The following KCNK1 variants were observed in gnomAD, a reference collection of about 807,000 sequenced individuals.
KCNK1 encodes the protein potassium channel subfamily K member 1.
Under a neutral mutation model 22.2 loss-of-function variants are expected in KCNK1, and 10 were observed. The observed-to-expected ratio is 0.45, with a 90% CI of 0.28 to 0.76. The LOEUF is 0.76. Ranked by LOEUF, KCNK1 falls within the 30% of genes least tolerant of loss-of-function variation. KCNK1 has a pLI of 0.14. For missense variants in KCNK1, 378 were observed against 421.0 expected (o/e 0.90, Z 0.89); for synonymous variants, 200 against 186.4 (o/e 1.07, Z -0.60).
chr1:233,617,310 C>T (rs764062377), intron 1 of KCNK1, among the ~76,000 whole-genome samples: 13 of 152,140 alleles, frequency 8.5e-5, no homozygotes, highest in Non-Finnish European at 1.9e-4. Context: ...TGGAAGAAGG[C>T]TTAGGTTGGT....
At chr1:233,665,454 G>A (rs1183335775) in intron 1 of KCNK1, among the ~76,000 whole-genome samples, 1 of 152,200 alleles carries the variant, frequency 6.6e-6, no homozygotes, top group South Asian at 2.1e-4. Context: ...CACTTCACAA[G>A]TCAATTGTAT....
At position 233,614,189 on chromosome 1, in the gene KCNK1, C is replaced by T. The variant is rs1387185029; in HGVS notation, c.18C>T (p.Ala6=). Residue 6 remains alanine (A), a synonymous_variant, in exon 1 of 3, where the codon GCC becomes GCT. Coordinates refer to ENST00000366621, the MANE Select transcript of KCNK1 (RefSeq NM_002245.4). ...TGGAGAAGATGCTGCAGTCCCTGGC[C>T]GGCAGCTCGTGCGTGCGCCTGGTGG... The part of the protein sequence containing the change: MLQSL[A]GSSCVRLVER... 1.9e-6 allele frequency: 3 copies of T among 1,605,368 alleles called. No individual in the cohort carries two copies. Among genetic ancestry groups the T allele is most frequent in the Non-Finnish European group, 2.5e-6 (3 of 1,179,094 alleles).
chr1:233,645,346 G>A (rs997697926), intron 1 of KCNK1, among the ~76,000 whole-genome samples: 2 of 152,166 alleles, frequency 1.3e-5, no homozygotes, highest in African/African-American at 4.8e-5. Flanking sequence ...AAACGTCCTT[G>A]TGGAAATAAT....
At chr1:233,647,447 G>A (rs929963165) in intron 1 of KCNK1, among the ~76,000 whole-genome samples, 2 of 152,136 alleles carry the variant, frequency 1.3e-5, no homozygotes, top group Non-Finnish European at 2.9e-5. Flanking sequence ...GGAGGGTGAG[G>A]TGAATGTTTT....
Position 233,614,461 on chromosome 1 carries a change from C to G in KCNK1, c.290C>G (p.Ser97Trp). The G allele has an allele frequency of 1.2e-6, 2 of 1,613,182 alleles. No individual in the cohort carries two copies. The highest frequency in any genetic ancestry group is 1.7e-6 in the Non-Finnish European group (2 of 1,179,712). ...GGCGTGTCGGTGCTCAGCAACGCCT[C>G]GGGCAACTGGAACTGGGACTTCACC... ...NYGVSVLSNA[S>W]GNWNWDFTSA... Residue 97 changes from serine (S) to tryptophan (W), a missense_variant, in exon 1 of 3, where the codon TCG (serine) becomes TGG (tryptophan). Physicochemically the swap from Ser to Trp is radical, Grantham distance 177. Transcript: ENST00000366621.
chr1:233,666,959 AT>A lies in KCNK1; in HGVS notation c.722del (p.Phe241SerfsTer22), dbSNP rs1658501771. 2 of 1,613,072 alleles carry A rather than the reference AT, an allele frequency of 1.2e-6. No homozygotes were observed. Among genetic ancestry groups the A allele is most frequent in the Non-Finnish European group, 1.7e-6 (2 of 1,179,662 alleles). ...YVPGEGYNQK[F>X]RELYKIGITC... ...TGCCTGGGGAAGGCTACAATCAAAA[AT>A]TCAGAGAGCTCTATAAGATTGGGAT... On this transcript the variant is annotated frameshift_variant, in exon 2 of 3. Transcript: ENST00000366621. LOFTEE classifies it high-confidence loss of function.
chr1:233,662,260 CT>C (rs1658408716), intron 1 of KCNK1, among the ~76,000 whole-genome samples: 2 of 137,214 alleles, frequency 1.5e-5, no homozygotes, highest in African/African-American at 5.1e-5. Flanking sequence ...TCTTCTTCTT[CT>C]TCTTCTTCTT....
chr1:233,640,225 A>G (rs2102894629), intron 1 of KCNK1, among the ~76,000 whole-genome samples: 1 of 152,308 alleles, frequency 6.6e-6, no homozygotes, highest in East Asian at 1.9e-4. Context: ...TGCACCATAG[A>G]TAGTTTCTAA....
intron 1 of KCNK1, among the ~76,000 whole-genome samples, chr1:233,656,154 A>AGAT (rs1360910234): frequency 2.0e-5 from 3 of 152,246 alleles, no homozygotes; most frequent in African/African-American, 7.2e-5. Flanking sequence ...CAGGATGGCT[A>AGAT]GATAACAGAA....
At chr1:233,627,375 TAC>T (rs1437650382) in intron 1 of KCNK1, among the ~76,000 whole-genome samples, 13 of 152,352 alleles carry the variant, frequency 8.5e-5, no homozygotes, top group Non-Finnish European at 1.8e-4. Flanking sequence ...GAACACGGGT[TAC>T]CAAGGCACTT....
chr1:233,630,856 T>TTG (rs989187267), intron 1 of KCNK1: 1 of 166,774 alleles, frequency 6.0e-6, no homozygotes, highest in African/African-American at 2.4e-5. Flanking sequence ...TTTCAATCTC[T>TTG]TGATAACCTG....
chr1:233,652,527 C>CT (rs1408023324), intron 1 of KCNK1, among the ~76,000 whole-genome samples: 1 of 152,150 alleles, frequency 6.6e-6, no homozygotes, highest in East Asian at 1.9e-4. Context: ...GAGGTTATGC[C>CT]TTTAAAGCAT....
At position 233,648,727 on chromosome 1, in the gene KCNK1, C is replaced by T. The variant is rs767857200; in HGVS notation, c.356-17868C>T. ...GATTACAGACGCGCACCACCACACC[C>T]GGCTGATTTTTGTATTTTTAGTAGA... On this transcript the variant is annotated intron_variant, in intron 1 of 2. Coordinates refer to ENST00000366621, the MANE Select transcript of KCNK1 (RefSeq NM_002245.4). Among the ~76,000 whole-genome samples the T allele has an allele frequency of 3.3e-5, 5 of 152,126 alleles. No individual in the cohort carries two copies. In the South Asian group the frequency reaches 6.3e-4, roughly 19 times the overall value.
chr1:233,635,634 C>T (rs963777543), intron 1 of KCNK1, among the ~76,000 whole-genome samples: 4 of 151,846 alleles, frequency 2.6e-5, no homozygotes, highest in African/African-American at 7.3e-5. Flanking sequence ...TTGCTTTTGC[C>T]GAATGAAATT....
intron 1 of KCNK1, among the ~76,000 whole-genome samples, chr1:233,630,084 G>T (rs997433503): frequency 1.8e-4 from 28 of 152,160 alleles, no homozygotes; most frequent in Non-Finnish European, 4.1e-4. Context: ...GGTGGGCAAT[G>T]GGAGCTGGTT....
In KCNK1 at chr1:233,648,259, CTG is replaced by C. The variant is rs547354083; in HGVS notation, c.356-18332_356-18331del. ...CTACTGAGGTTGTCCAAATGAAAAACTGTGTTCCTATGTCCATATTTCCAAGC... is the reference window on the plus strand; with the variant it reads ...CTACTGAGGTTGTCCAAATGAAAAACTGTTCCTATGTCCATATTTCCAAGC... On this transcript the variant is annotated intron_variant, in intron 1 of 2. Coordinates refer to ENST00000366621, the MANE Select transcript of KCNK1 (RefSeq NM_002245.4). Among the ~76,000 whole-genome samples the C allele has an allele frequency of 5.9e-5, 9 of 152,292 alleles. No individual in the cohort carries two copies. The South Asian group carries it at 1.2e-3, about 21-fold the overall frequency.
chr1:233,667,072 C>T (rs1658504867), intron 2 of KCNK1, 82 bp downstream of exon 2: 3 of 1,161,464 alleles, frequency 2.6e-6, no homozygotes, highest in Non-Finnish European at 3.4e-6. Context: ...GAGCCCAGCT[C>T]TCACTCTGTT....
chr1:233,650,702 C>G (rs74722338), intron 1 of KCNK1, among the ~76,000 whole-genome samples: 1 of 151,374 alleles, frequency 6.6e-6, no homozygotes, highest in Non-Finnish European at 1.5e-5. Context: ...TCAAATTTTT[C>G]AGGGAGACAT....
Position 233,618,351 on chromosome 1 carries a change from A to G in KCNK1, c.355+3825A>G, listed in dbSNP as rs369762135. Among the ~76,000 whole-genome samples, 3 of 151,534 alleles carry G rather than the reference A, an allele frequency of 2.0e-5. 1 individual carries two copies. Among genetic ancestry groups the G allele is most frequent in the African/African-American group, 7.3e-5 (3 of 41,356 alleles). On this transcript the variant is annotated intron_variant, in intron 1 of 2. Coordinates refer to ENST00000366621, the MANE Select transcript of KCNK1 (RefSeq NM_002245.4). ...TACAAAAAAAAAGGAGGTATTATAG[A>G]CTGCAGAATTTCCCACAGAACTTCT...
Sources: gnomAD v4.1 joint callset for allele counts (sites outside exome capture counted in the v4.1 genomes callset) on GRCh38, gnomAD v4.1.1 for gene constraint, MANE v1.5 for transcripts, NCBI Gene and HGNC (gene_info 2026-07-23, HGNC 2026-07-21) for gene names.